VPS13B: variants seen among roughly 807,000 people sequenced by gnomAD.
VPS13B encodes the protein vacuolar protein sorting 13 homolog B.
VPS13B carries 285 observed loss-of-function variants against 426.4 expected under a neutral mutation model. That is an observed-to-expected ratio of 0.67 (90% CI 0.61 to 0.74). The LOEUF (loss-of-function observed/expected upper bound fraction) is 0.74. VPS13B is among the 30% of genes least tolerant of loss of function. The pLI is 0.00. For missense variants in VPS13B, 4,537 were observed against 4,782.6 expected (o/e 0.95, Z 1.51); for synonymous variants, 1,676 against 1,676.4 (o/e 1.00, Z 0.01).
At chr8:99,686,171 G>A (rs1294109535) in intron 35 of VPS13B, among the ~76,000 whole-genome samples, 1 of 152,152 alleles carries the variant, frequency 6.6e-6, no homozygotes, top group Non-Finnish European at 1.5e-5. Flanking sequence ...GGATTACCAG[G>A]CAGAGACTCT....
intron 19 of VPS13B, among the ~76,000 whole-genome samples, chr8:99,299,111 G>A (rs1369872125): frequency 1.4e-5 from 2 of 142,718 alleles, no homozygotes; most frequent in Non-Finnish European, 3.0e-5. Context: ...GCCCAGGCTG[G>A]AGTGCAATGG....
chr8:99,224,343 A>G lies in VPS13B; in HGVS notation c.2515+31286A>G, dbSNP rs1815896404. Among the ~76,000 whole-genome samples the G allele has an allele frequency of 2.6e-5, 4 of 152,180 alleles. No homozygotes were observed. The South Asian group carries it at 6.2e-4, about 24-fold the overall frequency. On this transcript the variant is annotated intron_variant, in intron 17 of 61. Coordinates refer to ENST00000357162, the MANE Select transcript of VPS13B (RefSeq NM_152564.5). The stretch of plus-strand genomic sequence containing the variant: ...AACCTTTTACTTTCTAAGCATTTTT[A>G]TGATTGTTCAAGTTAACATGTCATT...
intron 30 of VPS13B, among the ~76,000 whole-genome samples, 172 bp downstream of exon 30, chr8:99,521,182 C>T (rs1588459385): frequency 1.3e-5 from 2 of 152,156 alleles, no homozygotes; most frequent in East Asian, 3.9e-4. Flanking sequence ...TTCATTCAGA[C>T]AAATCAAGTA....
chr8:99,815,951 C>T (rs772863210), intron 44 of VPS13B, among the ~76,000 whole-genome samples: 1 of 152,148 alleles, frequency 6.6e-6, no homozygotes, highest in Non-Finnish European at 1.5e-5. Flanking sequence ...CCTGCCTCAG[C>T]CTCCCAAGTA....
At chr8:99,516,787 CAAAA>C (rs528490868) in intron 29 of VPS13B, among the ~76,000 whole-genome samples, 3 of 16,706 alleles carry the variant, frequency 1.8e-4, no homozygotes, top group South Asian at 3.5e-3. Flanking sequence ...GACCGTGTCT[CAAAA>C]AAAAAAAAAA....
intron 33 of VPS13B, among the ~76,000 whole-genome samples, chr8:99,639,407 A>G (rs1371218712): frequency 1.3e-5 from 2 of 152,154 alleles, no homozygotes; most frequent in Non-Finnish European, 2.9e-5. Context: ...GGGCACTCCA[A>G]GAAAGGAAAG....
At chr8:99,192,831 A>G (rs978300210) in intron 16 of VPS13B, 45 bp from the exon 17 acceptor site, 1 of 1,603,728 alleles carries the variant, frequency 6.2e-7, no homozygotes, top group South Asian at 1.1e-5. Flanking sequence ...TGTTGTCTGT[A>G]AATGCTATTT....
chr8:99,501,002 G>A (rs763963261), intron 25 of VPS13B, among the ~76,000 whole-genome samples: 4 of 152,008 alleles, frequency 2.6e-5, no homozygotes, highest in South Asian at 4.2e-4. Flanking sequence ...TTGTTGAATC[G>A]GATAAGCTTA....
chr8:99,229,398 A>G (rs564389210), intron 17 of VPS13B, among the ~76,000 whole-genome samples: 1 of 152,312 alleles, frequency 6.6e-6, no homozygotes, highest in East Asian at 1.9e-4. Context: ...TCAGCTAATC[A>G]TGCTCCTTGT....
At chr8:99,583,482 G>T (rs999327388) in intron 33 of VPS13B, among the ~76,000 whole-genome samples, 4 of 152,100 alleles carry the variant, frequency 2.6e-5, no homozygotes, top group Non-Finnish European at 5.9e-5. Context: ...AACTGTCATT[G>T]AGCTTATGCC....
intron 7 of VPS13B, among the ~76,000 whole-genome samples, chr8:99,117,677 GA>G (rs1196115740): frequency 3.9e-5 from 6 of 152,178 alleles, no homozygotes; most frequent in African/African-American, 1.4e-4. Flanking sequence ...TATCTTAAGT[GA>G]AAGCAGCCAG....
chr8:99,742,197 C>G (rs967199064), intron 39 of VPS13B, among the ~76,000 whole-genome samples: 8 of 152,182 alleles, frequency 5.3e-5, no homozygotes, highest in African/African-American at 1.4e-4. Context: ...CTATAAACAC[C>G]TCTACGCAAA....
chr8:99,566,260 A>C (rs566549471), intron 31 of VPS13B, among the ~76,000 whole-genome samples: 1 of 152,306 alleles, frequency 6.6e-6, no homozygotes, highest in Non-Finnish European at 1.5e-5. Flanking sequence ...AAAAATAAGA[A>C]AATGTTTAAA....
intron 33 of VPS13B, among the ~76,000 whole-genome samples, chr8:99,611,473 T>C (rs972315541): frequency 1.3e-5 from 2 of 152,114 alleles, no homozygotes; most frequent in Admixed American, 1.3e-4. Context: ...CCTGTTTTTT[T>C]TATATGCATT....
chr8:99,219,227 A>G (rs921565349), intron 17 of VPS13B, among the ~76,000 whole-genome samples: 2 of 152,240 alleles, frequency 1.3e-5, no homozygotes, highest in Non-Finnish European at 2.9e-5. Flanking sequence ...TGCCAGAATT[A>G]TGAGAATGGC....
At chr8:99,367,377 G>A (rs1249310546) in intron 19 of VPS13B, among the ~76,000 whole-genome samples, 2 of 152,264 alleles carry the variant, frequency 1.3e-5, no homozygotes, top group East Asian at 3.9e-4. Flanking sequence ...ACATATTGGA[G>A]CTCCCTTGTA....
intron 3 of VPS13B, among the ~76,000 whole-genome samples, chr8:99,084,163 A>G (rs534182730): frequency 3.9e-5 from 6 of 152,012 alleles, no homozygotes; most frequent in African/African-American, 4.8e-5. Context: ...CAGAGATTCA[A>G]CTTCTTCCTG....
chr8:99,683,638 G>C (rs74315775), intron 35 of VPS13B, among the ~76,000 whole-genome samples: 2,935 of 151,940 alleles, frequency 0.019, 100 homozygotes, highest in African/African-American at 0.068. Context: ...TTATTTTAAG[G>C]CTTTTTTGTT....
chr8:99,870,361 C>T (rs1232928701), intron 59 of VPS13B, among the ~76,000 whole-genome samples: 1 of 152,158 alleles, frequency 6.6e-6, no homozygotes, highest in Non-Finnish European at 1.5e-5. Context: ...CACTTTGTTT[C>T]CCAGGCTGGT....
Sources: gnomAD v4.1 joint callset for allele counts (sites outside exome capture counted in the v4.1 genomes callset) on GRCh38, gnomAD v4.1.1 for gene constraint, MANE v1.5 for transcripts, NCBI Gene and HGNC (gene_info 2026-07-23, HGNC 2026-07-21) for gene names.